PPHLN1: variants seen among roughly 807,000 people sequenced by gnomAD.
PPHLN1 encodes periphilin 1, also known as periphilin-1.
In PPHLN1, 29 loss-of-function variants were observed where a neutral mutation model predicts 51.3. The ratio of observed to expected loss-of-function variants is 0.57; its 90% CI spans 0.42 to 0.77. The LOEUF is 0.77. PPHLN1 is among the 30% of genes least tolerant of loss of function. The probability of loss-of-function intolerance (pLI) is 0.00; values close to 1 mark genes in which losing one functional copy is unlikely to be tolerated. For synonymous variants in PPHLN1, 147 were observed against 147.8 expected (o/e 0.99, Z 0.04); for missense variants, 436 against 438.4 (o/e 0.99, Z 0.05).
chr12:42,377,601 G>T (rs1411002893), intron 5 of PPHLN1, among the ~76,000 whole-genome samples: 2 of 152,080 alleles, frequency 1.3e-5, no homozygotes, highest in Non-Finnish European at 2.9e-5. Flanking sequence ...ACTGTGCTCT[G>T]CCCTTACGAC....
At chr12:42,409,089 TTC>T (rs1297766270) in intron 9 of PPHLN1, among the ~76,000 whole-genome samples, 1 of 152,206 alleles carries the variant, frequency 6.6e-6, no homozygotes, top group African/African-American at 2.4e-5. Context: ...GTGGTCTACC[TTC>T]TCTTTCTCTC....
chr12:42,426,228 A>ACCCCC (rs1555220467), intron 9 of PPHLN1, among the ~76,000 whole-genome samples: 3 of 129,788 alleles, frequency 2.3e-5, no homozygotes, highest in African/African-American at 6.6e-5. Context: ...ACACACACAC[A>ACCCCC]CCCTCATGCA....
chr12:42,432,269 C>T (rs2082102576), intron 9 of PPHLN1: 2 of 765,324 alleles, frequency 2.6e-6, no homozygotes, highest in Non-Finnish European at 4.9e-6. Context: ...GCCCTGACAA[C>T]CTCTGCCTCT....
chr12:42,345,005 C>A (rs1224671142), intron 2 of PPHLN1, among the ~76,000 whole-genome samples: 1 of 152,032 alleles, frequency 6.6e-6, no homozygotes, highest in Non-Finnish European at 1.5e-5. Flanking sequence ...GCTACCGTGC[C>A]CAGCCAGTGT....
chr12:42,344,460 G>A (rs1185388155), intron 2 of PPHLN1, among the ~76,000 whole-genome samples: 1 of 152,088 alleles, frequency 6.6e-6, no homozygotes, highest in African/African-American at 2.4e-5. Context: ...TTATTTTGAA[G>A]TAAAACCATG....
At chr12:42,406,081 G>A (rs1350291708) in intron 9 of PPHLN1, among the ~76,000 whole-genome samples, 7 of 139,602 alleles carry the variant, frequency 5.0e-5, no homozygotes, top group Non-Finnish European at 8.1e-5. Context: ...TTATAGTTTA[G>A]TCTGGTTTTT....
intron 6 of PPHLN1, among the ~76,000 whole-genome samples, chr12:42,386,224 T>C (rs1366935805): frequency 1.3e-5 from 2 of 152,232 alleles, no homozygotes; most frequent in Non-Finnish European, 2.9e-5. Flanking sequence ...ATCCCTGTCT[T>C]CTACTAAATA....
intron 9 of PPHLN1, chr12:42,400,436 C>G (rs2078702668): frequency 6.9e-6 from 1 of 145,926 alleles, no homozygotes; most frequent in Admixed American, 7.0e-5. Context: ...CCACTGCACT[C>G]CAGCCTGGGC....
chr12:42,335,687 GTTTT>G (rs10648343), intron 1 of PPHLN1, among the ~76,000 whole-genome samples, 192 bp from the exon 2 acceptor site: 15 of 113,700 alleles, frequency 1.3e-4, no homozygotes, highest in Non-Finnish European at 2.3e-4. Context: ...GGCTTTCCGT[GTTTT>G]TTTTTTTTTT....
At chr12:42,333,905 T>G (rs2070194047) in intron 1 of PPHLN1, among the ~76,000 whole-genome samples, 1 of 152,234 alleles carries the variant, frequency 6.6e-6, no homozygotes, top group African/African-American at 2.4e-5. Context: ...TCTTCTTTAT[T>G]TTGAAGGAGG....
At chr12:42,401,263 TAGA>T (rs1043480221) in intron 9 of PPHLN1, among the ~76,000 whole-genome samples, 81 of 152,316 alleles carry the variant, frequency 5.3e-4, no homozygotes, top group African/African-American at 1.9e-3. Flanking sequence ...TTGCCATCTG[TAGA>T]AGGACGAGTC....
intron 1 of PPHLN1, among the ~76,000 whole-genome samples, chr12:42,334,423 A>C (rs575991590): frequency 4.8e-4 from 73 of 152,270 alleles, no homozygotes; most frequent in Middle Eastern, 3.4e-3. Flanking sequence ...TTTTGCAGAG[A>C]AAATTGGTTG....
intron 9 of PPHLN1, chr12:42,400,616 C>G (rs2078730084): frequency 6.6e-6 from 1 of 152,280 alleles, no homozygotes; most frequent in Admixed American, 6.5e-5. Flanking sequence ...CTCAAGTGAT[C>G]CTCCTCTCTG....
At chr12:42,427,531 A>G (rs1028593272) in intron 9 of PPHLN1, among the ~76,000 whole-genome samples, 2 of 152,186 alleles carry the variant, frequency 1.3e-5, no homozygotes, top group Non-Finnish European at 2.9e-5. Context: ...AGGACACCCT[A>G]TTCAACAAAT....
chr12:42,425,561 GT>G (rs558096444), intron 9 of PPHLN1, among the ~76,000 whole-genome samples: 1 of 147,772 alleles, frequency 6.8e-6, no homozygotes, highest in Non-Finnish European at 1.5e-5. Context: ...TAATTTTTGT[GT>G]TTTTTTAGTA....
chr12:42,404,635 C>G (rs2079132848), intron 9 of PPHLN1, among the ~76,000 whole-genome samples: 1 of 152,186 alleles, frequency 6.6e-6, no homozygotes, highest in Admixed American at 6.5e-5. Flanking sequence ...GACTATTTGC[C>G]TCTTACCTCT....
chr12:42,375,210 G>A (rs1339251567), intron 5 of PPHLN1, 136 bp downstream of exon 5: 1 of 658,622 alleles, frequency 1.5e-6, no homozygotes, highest in African/African-American at 1.8e-5. Flanking sequence ...TTACAGAAAA[G>A]ATGGTAGAAT....
rs1361757330 is a variant in PPHLN1, at chr12:42,387,487, A to G, written c.600A>G (p.Thr200=). The change falls in exon 7 of 10, where the codon ACA becomes ACG. Residue 200 remains threonine (T), a synonymous_variant. Coordinates refer to ENST00000358314, the MANE Select transcript of PPHLN1 (RefSeq NM_201439.2). ...AGAGGCCTGTCCAGTCTTTGAAAAC[A>G]TCAAGAGATACTTCACCCTCAAGTG... ...DKERPVQSLK[T]SRDTSPSSGS... is the part of the protein sequence containing the mutation. 1 of 1,613,584 alleles carries G rather than the reference A, an allele frequency of 6.2e-7. No homozygotes were observed.
intron 9 of PPHLN1, among the ~76,000 whole-genome samples, chr12:42,417,401 G>A (rs1426056841): frequency 6.6e-6 from 1 of 152,106 alleles, no homozygotes; most frequent in Non-Finnish European, 1.5e-5. Flanking sequence ...TTTGCTAAGA[G>A]TAGGGGGAAA....
Sources: gnomAD v4.1 joint callset for allele counts (sites outside exome capture counted in the v4.1 genomes callset) on GRCh38, gnomAD v4.1.1 for gene constraint, MANE v1.5 for transcripts, NCBI Gene and HGNC (gene_info 2026-07-23, HGNC 2026-07-21) for gene names.